Variants in GABRB2 observed in about 807,000 individuals in gnomAD.
GABRB2 encodes the protein gamma-aminobutyric acid receptor subunit beta-2.
A neutral mutation model predicts 54.7 loss-of-function variants in GABRB2; 16 were observed. The observed-to-expected ratio is 0.29, with a 90% CI of 0.20 to 0.44. The LOEUF is 0.44. GABRB2 is among the 20% of genes least tolerant of loss of function. The pLI is 1.00. For synonymous variants in GABRB2, 244 were observed against 233.8 expected (o/e 1.04, Z -0.40); for missense variants, 355 against 644.0 (o/e 0.55, Z 4.86).
intron 3 of GABRB2, among the ~76,000 whole-genome samples, chr5:161,462,859 T>C (rs377578133): frequency 1.3e-5 from 2 of 152,280 alleles, no homozygotes; most frequent in East Asian, 1.9e-4. Context: ...AAAGAAAGCA[T>C]GGTCCTGTCT....
At chr5:161,388,190 CA>C (rs951788831) in intron 5 of GABRB2, among the ~76,000 whole-genome samples, 8 of 151,988 alleles carry the variant, frequency 5.3e-5, no homozygotes, top group African/African-American at 1.7e-4. Flanking sequence ...TTATGGGGTG[CA>C]AAAAGTATCT....
chr5:161,346,893 C>T (rs1754332838), intron 5 of GABRB2, among the ~76,000 whole-genome samples: 1 of 151,948 alleles, frequency 6.6e-6, no homozygotes, highest in Non-Finnish European at 1.5e-5. Context: ...GTAACCATGG[C>T]TTGGAGCAGA....
In GABRB2 at chr5:161,445,176, T is replaced by G. The variant is rs545953436; in HGVS notation, c.458+14448A>C. Among the ~76,000 whole-genome samples, 5 of 152,278 alleles carry G rather than the reference T, an allele frequency of 3.3e-5. No homozygotes were observed. In the East Asian group the frequency reaches 9.7e-4, roughly 29 times the overall value. On this transcript the variant is annotated intron_variant, in intron 4 of 9. Coordinates refer to ENST00000393959, the MANE Select transcript of GABRB2 (RefSeq NM_001371727.1). ...GGTTTCTACTCTCACAGAGCTTATA[T>G]TCTAGTGGTGACAGGCCATTAAATA...
chr5:161,473,469 TC>T (rs2113303575), intron 3 of GABRB2, among the ~76,000 whole-genome samples: 1 of 152,080 alleles, frequency 6.6e-6, no homozygotes, highest in South Asian at 2.1e-4. Context: ...AGAACAAACT[TC>T]CTACCAAGAG....
chr5:161,526,125 T>C (rs1225436725), intron 3 of GABRB2, among the ~76,000 whole-genome samples: 1 of 151,458 alleles, frequency 6.6e-6, no homozygotes, highest in Non-Finnish European at 1.5e-5. Flanking sequence ...CCAAAAGACA[T>C]AACATATTTT....
intron 3 of GABRB2, among the ~76,000 whole-genome samples, chr5:161,484,926 A>T (rs1758872546): frequency 6.6e-6 from 1 of 151,966 alleles, no homozygotes; most frequent in African/African-American, 2.4e-5. Context: ...CAAACTTCTT[A>T]GTATGGGTTA....
At chr5:161,503,709 CAA>C (rs33992062) in intron 3 of GABRB2, among the ~76,000 whole-genome samples, 5 of 91,678 alleles carry the variant, frequency 5.5e-5, no homozygotes, top group Admixed American at 2.3e-4. Flanking sequence ...AATTCCTTCT[CAA>C]AAAAAAAAAA....
At chr5:161,467,882 C>T (rs984342761) in intron 3 of GABRB2, among the ~76,000 whole-genome samples, 5 of 152,004 alleles carry the variant, frequency 3.3e-5, no homozygotes, top group Non-Finnish European at 7.4e-5. Flanking sequence ...GTAGAAACTA[C>T]AATTGCCTCT....
At chr5:161,479,218 T>C (rs1353638877) in intron 3 of GABRB2, among the ~76,000 whole-genome samples, 3 of 152,022 alleles carry the variant, frequency 2.0e-5, no homozygotes, top group African/African-American at 7.2e-5. Flanking sequence ...GGGCACAAAG[T>C]TTTATCACTC....
At chr5:161,394,863 A>G (rs1012878199) in intron 5 of GABRB2, among the ~76,000 whole-genome samples, 1 of 152,074 alleles carries the variant, frequency 6.6e-6, no homozygotes, top group African/African-American at 2.4e-5. Flanking sequence ...TGAGGCCAAC[A>G]TAACTCTAAT....
chr5:161,328,964 G>A (rs1180716885), intron 8 of GABRB2, among the ~76,000 whole-genome samples: 1 of 152,032 alleles, frequency 6.6e-6, no homozygotes, highest in African/African-American at 2.4e-5. Flanking sequence ...TGAATGGTAG[G>A]GTCTACCTTC....
chr5:161,425,905 G>A (rs1293347428), intron 4 of GABRB2, among the ~76,000 whole-genome samples: 1 of 152,100 alleles, frequency 6.6e-6, no homozygotes, highest in East Asian at 1.9e-4. Flanking sequence ...ATAATTGCTT[G>A]TAGAATATAA....
At chr5:161,313,080 T>C (rs577337775) in intron 9 of GABRB2, among the ~76,000 whole-genome samples, 7 of 152,170 alleles carry the variant, frequency 4.6e-5, no homozygotes, top group Non-Finnish European at 1.0e-4. Flanking sequence ...GTTGGAACAA[T>C]GCCAGGGACT....
At chr5:161,526,035 C>T (rs1446939763) in intron 3 of GABRB2, among the ~76,000 whole-genome samples, 2 of 151,274 alleles carry the variant, frequency 1.3e-5, no homozygotes, top group African/African-American at 2.4e-5. Context: ...CTCAAAGGTA[C>T]ATTTGATATA....
chr5:161,411,079 TG>T (rs1756504286), intron 4 of GABRB2, 22 bp from the exon 5 acceptor site: 15 of 1,577,374 alleles, frequency 9.5e-6, no homozygotes, highest in Non-Finnish European at 1.3e-5. Context: ...ATAGCAATGA[TG>T]AGTGTTGTTA....
chr5:161,536,624 T>C (rs990076053), intron 3 of GABRB2, among the ~76,000 whole-genome samples: 1 of 152,202 alleles, frequency 6.6e-6, no homozygotes, highest in African/African-American at 2.4e-5. Flanking sequence ...TATATATGAC[T>C]CTCACTCTGT....
At chr5:161,302,166 C>G (rs1313406488) in intron 9 of GABRB2, among the ~76,000 whole-genome samples, 1 of 152,172 alleles carries the variant, frequency 6.6e-6, no homozygotes, top group African/African-American at 2.4e-5. Context: ...ATTTTCCAGA[C>G]TGACCCATGT....
At chr5:161,500,758 A>T (rs557613785) in intron 3 of GABRB2, among the ~76,000 whole-genome samples, 27 of 152,344 alleles carry the variant, frequency 1.8e-4, no homozygotes, top group African/African-American at 6.5e-4. Flanking sequence ...GTTTCCAAAC[A>T]TAACAGGCAA....
At chr5:161,309,097 A>C (rs1267821462) in intron 9 of GABRB2, among the ~76,000 whole-genome samples, 3 of 152,232 alleles carry the variant, frequency 2.0e-5, no homozygotes, top group Admixed American at 1.3e-4. Context: ...ACATTTTTGC[A>C]AACAATGCAT....
Sources: allele counts gnomAD v4.1 joint callset (sites outside exome capture counted in the v4.1 genomes callset), GRCh38; gene constraint gnomAD v4.1.1; transcripts MANE v1.5; gene names NCBI Gene and HGNC (gene_info 2026-07-23, HGNC 2026-07-21).